Variants in NSUN7 observed in about 807,000 individuals in gnomAD.
NSUN7 encodes protein NSUN7.
A neutral mutation model predicts 58.5 loss-of-function variants in NSUN7; 39 were observed. The ratio of observed to expected loss-of-function variants is 0.67; its 90% CI spans 0.52 to 0.87. The LOEUF is 0.87. Ranked by LOEUF, NSUN7 falls within the 40% of genes least tolerant of loss-of-function variation. The pLI, the probability that NSUN7 is intolerant of heterozygous loss-of-function variation, is 0.00. For synonymous variants in NSUN7, 278 were observed against 303.7 expected (o/e 0.92, Z 0.88); for missense variants, 765 against 844.1 (o/e 0.91, Z 1.16).
chr4:40,754,579 T>A (rs1741045053), intron 2 of NSUN7, among the ~76,000 whole-genome samples: 2 of 152,154 alleles, frequency 1.3e-5, no homozygotes, highest in Admixed American at 6.5e-5. Flanking sequence ...ACAGTATAAG[T>A]TCAAGGAATA....
intron 11 of NSUN7, 105 bp from the exon 12 acceptor site, chr4:40,808,202 A>G: frequency 8.6e-6 from 11 of 1,279,346 alleles, no homozygotes; most frequent in Non-Finnish European, 1.2e-5. Flanking sequence ...TTCTTTTAGT[A>G]TAATAAAGAG....
chr4:40,798,736 A>T, intron 9 of NSUN7, 51 bp from the exon 10 acceptor site: 1 of 1,025,816 alleles, frequency 9.7e-7, no homozygotes, highest in Non-Finnish European at 1.5e-6. Context: ...GCACATTTGT[A>T]TAGGATTGTT....
At chr4:40,799,102 T>TTTTTA (rs1743462181) in intron 10 of NSUN7, among the ~76,000 whole-genome samples, 198 bp downstream of exon 10, 1 of 130,474 alleles carries the variant, frequency 7.7e-6, no homozygotes, top group African/African-American at 2.8e-5. Context: ...TTTTTTTTTT[T>TTTTTA]AAAGATGGAA....
chr4:40,776,161 T>G lies in NSUN7; in HGVS notation c.938T>G (p.Leu313Ter). Residue 313 changes from leucine to a stop codon, truncating the protein, a stop_gained, in exon 7 of 12, where the codon TTA (leucine) becomes TGA (stop). Coordinates refer to ENST00000381782, the MANE Select transcript of NSUN7 (RefSeq NM_024677.6). LOFTEE classifies it high-confidence loss of function. The part of the protein sequence containing the change: ...SWYTVSHMSI[L>*]TNNNTSKVFV... ...TACACAGTTTCCCACATGTCAATTTTAACAAATAATAATACCTCAAAAGTA... is the reference window on the plus strand; with the variant it reads ...TACACAGTTTCCCACATGTCAATTTGAACAAATAATAATACCTCAAAAGTA... 1 of 1,611,936 alleles carries G rather than the reference T, an allele frequency of 6.2e-7. No homozygotes were observed. Among genetic ancestry groups the G allele is most frequent in the Non-Finnish European group, 8.5e-7 (1 of 1,178,392 alleles).
chr4:40,767,276 T>A (rs1167474547), intron 4 of NSUN7, among the ~76,000 whole-genome samples: 2 of 152,202 alleles, frequency 1.3e-5, no homozygotes, highest in Non-Finnish European at 2.9e-5. Context: ...GATTCTGGTA[T>A]GTTGTGTCTT....
At chr4:40,776,013 AC>A in intron 6 of NSUN7, 35 bp from the exon 7 acceptor site, 1 of 1,328,952 alleles carries the variant, frequency 7.5e-7, no homozygotes, top group Non-Finnish European at 1.1e-6. Context: ...TTCTAGCCAT[AC>A]CCTTTGAAAT....
Position 40,761,152 on chromosome 4 carries a change from A to T in NSUN7, c.358-19A>T, listed in dbSNP as rs777085292. The T allele has an allele frequency of 1.9e-6, 3 of 1,550,738 alleles. No homozygotes were observed. The stretch of plus-strand genomic sequence containing the variant: ...ATATTGTTTGTATACTTTTCTTTAT[A>T]TATGTTTTCCCTTGTTAGCCAGATC... On this transcript the variant is annotated intron_variant, in intron 3 of 11. Coordinates refer to ENST00000381782, the MANE Select transcript of NSUN7 (RefSeq NM_024677.6).
At chr4:40,787,557 A>G (rs1742890643) in intron 7 of NSUN7, among the ~76,000 whole-genome samples, 1 of 152,152 alleles carries the variant, frequency 6.6e-6, no homozygotes, top group Admixed American at 6.5e-5. Context: ...CTGGATAGAC[A>G]ACTTGCCAAA....
intron 9 of NSUN7, among the ~76,000 whole-genome samples, chr4:40,795,119 C>A (rs1743259559): frequency 6.6e-6 from 1 of 152,070 alleles, no homozygotes; most frequent in South Asian, 2.1e-4. Context: ...AGGTATTAAG[C>A]TGTATGTAAG....
Position 40,808,439 on chromosome 4 carries a change from A to T in NSUN7, c.1657A>T (p.Thr553Ser). ...KKKKKSKTSL[T>S]KGATTDNGIQ... ...GAAGAAAAAATCAAAAACATCATTG[A>T]CAAAAGGTGCCACTACTGATAATGG... Residue 553 changes from threonine to serine, a missense_variant, in exon 12 of 12, where the codon ACA becomes TCA. Transcript: ENST00000381782. 1 of 1,608,446 alleles carries T rather than the reference A, an allele frequency of 6.2e-7. No homozygotes were observed. Among genetic ancestry groups the T allele is most frequent in the Non-Finnish European group, 8.5e-7 (1 of 1,176,396 alleles).
At chr4:40,768,456 C>T (rs1247870385) in intron 4 of NSUN7, among the ~76,000 whole-genome samples, 1 of 152,118 alleles carries the variant, frequency 6.6e-6, no homozygotes, top group African/African-American at 2.4e-5. Context: ...TCCTAGAATG[C>T]TGGGATTACA....
At position 40,786,217 on chromosome 4, in the gene NSUN7, G is replaced by A. The variant is rs1272469075; in HGVS notation, c.1037-4385G>A. On this transcript the variant is annotated intron_variant, in intron 7 of 11. Coordinates refer to ENST00000381782, the MANE Select transcript of NSUN7 (RefSeq NM_024677.6). The stretch of plus-strand genomic sequence containing the variant: ...TTTGGACTGTGCTGGAAAGACAACT[G>A]TCTTATACAGGCTGCAGTTCAATGA... 5.0e-6 allele frequency: 8 copies of A among 1,613,860 alleles called. No individual in the cohort carries two copies. The East Asian group carries it at 1.6e-4, about 31-fold the overall frequency.
At chr4:40,806,898 T>C (rs1743826738) in intron 10 of NSUN7, among the ~76,000 whole-genome samples, 163 bp from the exon 11 acceptor site, 1 of 152,212 alleles carries the variant, frequency 6.6e-6, no homozygotes, top group South Asian at 2.1e-4. Flanking sequence ...TAACTTATAA[T>C]AGTATTTAGG....
At chr4:40,768,932 G>A (rs1296675288) in intron 4 of NSUN7, among the ~76,000 whole-genome samples, 8 of 152,114 alleles carry the variant, frequency 5.3e-5, no homozygotes, top group Admixed American at 4.6e-4. Context: ...GAGAAAGGAG[G>A]GGAAAGACTT....
Position 40,750,884 on chromosome 4 carries a change from A to G in NSUN7, c.191A>G (p.Gln64Arg). ...FQGIRIEKSA[Q>R]KVLIKYGNEP... ...GGTATTCGAATCGAAAAGTCGGCAC[A>G]GAAAGTCTTAATCAAGTATGGGAAT... Residue 64 changes from glutamine (Q) to arginine (R), a missense_variant, in exon 2 of 12, where the codon CAG becomes CGG. Coordinates refer to ENST00000381782, the MANE Select transcript of NSUN7 (RefSeq NM_024677.6). The G allele has an allele frequency of 6.2e-7, 1 of 1,614,224 alleles. No individual in the cohort carries two copies. The highest frequency in any genetic ancestry group is 8.5e-7 in the Non-Finnish European group (1 of 1,180,040).
chr4:40,751,376 G>T (rs1415044014), intron 2 of NSUN7, among the ~76,000 whole-genome samples: 1 of 151,960 alleles, frequency 6.6e-6, no homozygotes, highest in Non-Finnish European at 1.5e-5. Context: ...TCCCTCTTCA[G>T]CTTCCCAAAG....
rs1309036793 is a variant in NSUN7 at position 40,760,342 on chromosome 4, T to C, written c.299-92T>C. ...TATATTTTAGATATGAAAGTAAATG[T>C]ATTTTATGGCATTATTACAGTGTAT... On this transcript the variant is annotated intron_variant, in intron 2 of 11. Coordinates refer to ENST00000381782, the MANE Select transcript of NSUN7 (RefSeq NM_024677.6). 4.6e-6 allele frequency: 4 copies of C among 867,862 alleles called. No individual in the cohort carries two copies. In the East Asian group the frequency reaches 9.9e-5, roughly 21 times the overall value. 53.8% of individuals were successfully genotyped at this position (867,862 alleles called of 1,614,324 possible).
chr4:40,795,551 CAT>C (rs1185618196), intron 9 of NSUN7, among the ~76,000 whole-genome samples: 2 of 152,130 alleles, frequency 1.3e-5, no homozygotes, highest in Non-Finnish European at 1.5e-5. Context: ...ATTTTAATGA[CAT>C]AAACTCTTTT....
At chr4:40,757,902 T>TTTTG (rs71198603) in intron 2 of NSUN7, among the ~76,000 whole-genome samples, 10,921 of 148,540 alleles carry the variant, frequency 0.074, 930 homozygotes, top group African/African-American at 0.21. Context: ...CTATTCCTGT[T>TTTTG]TTTGTTTGTT....
Sources: allele counts gnomAD v4.1 joint callset (sites outside exome capture counted in the v4.1 genomes callset), GRCh38; gene constraint gnomAD v4.1.1; transcripts MANE v1.5; gene names NCBI Gene and HGNC (gene_info 2026-07-23, HGNC 2026-07-21).